Variants in ANKRD12 observed in about 807,000 individuals in gnomAD.
ANKRD12 encodes ankyrin repeat domain-containing protein 12.
Under a neutral mutation model 183.4 loss-of-function variants are expected in ANKRD12, and 85 were observed. That is an observed-to-expected ratio of 0.46 (90% confidence interval 0.39 to 0.56). The LOEUF is 0.56. ANKRD12 is among the 20% of genes least tolerant of loss of function. The pLI is 0.00. For missense variants in ANKRD12, 2,405 were observed against 2,357.1 expected (o/e 1.02, Z -0.42); for synonymous variants, 914 against 800.2 (o/e 1.14, Z -2.40).
chr18:9,157,441 T>C (rs1323968066), intron 1 of ANKRD12, among the ~76,000 whole-genome samples: 2 of 152,016 alleles, frequency 1.3e-5, no homozygotes, highest in Admixed American at 6.6e-5. Context: ...TGAGTACGTA[T>C]GACTTTTGCA....
chr18:9,154,815 A>C (rs901685420), intron 1 of ANKRD12, among the ~76,000 whole-genome samples: 1 of 152,222 alleles, frequency 6.6e-6, no homozygotes, highest in Non-Finnish European at 1.5e-5. Context: ...TGTTGGTGGC[A>C]TTTATTGGAA....
At chr18:9,262,566 C>T (rs2039032262) in intron 9 of ANKRD12, among the ~76,000 whole-genome samples, 2 of 151,898 alleles carry the variant, frequency 1.3e-5, no homozygotes, top group African/African-American at 4.8e-5. Flanking sequence ...CTCAAGCTAT[C>T]CTCCCATCTC....
rs1442255563 is a variant in ANKRD12 at position 9,283,829 on chromosome 18, G to C, written c.*2703G>C. 1.3e-5 allele frequency: 2 copies of C among 152,566 alleles called. No homozygotes were observed. The highest frequency in any genetic ancestry group is 1.3e-4 in the Admixed American group (2 of 15,280). 9.5% of individuals were successfully genotyped at this position (152,566 alleles called of 1,614,324 possible). On this transcript the variant is annotated 3_prime_UTR_variant, in exon 13 of 13. Coordinates refer to ENST00000262126, the MANE Select transcript of ANKRD12 (RefSeq NM_015208.5). ...TACTTGGGCAGCTAGCAAAATTGCA[G>C]AAATATGCATCCTGGGAAAAGAAAC...
chr18:9,197,945 C>T (rs150275564), intron 3 of ANKRD12, among the ~76,000 whole-genome samples: 63 of 152,290 alleles, frequency 4.1e-4, no homozygotes, highest in African/African-American at 1.5e-3. Flanking sequence ...TTTGGTTTAA[C>T]ATATCACAAC....
At chr18:9,268,319 A>C (rs1286087601) in intron 10 of ANKRD12, among the ~76,000 whole-genome samples, 1 of 152,188 alleles carries the variant, frequency 6.6e-6, no homozygotes, top group Non-Finnish European at 1.5e-5. Flanking sequence ...CAACAACAAA[A>C]AAAGAGAATT....
intron 2 of ANKRD12, among the ~76,000 whole-genome samples, chr18:9,190,093 A>G (rs2034358208): frequency 6.6e-6 from 1 of 152,246 alleles, no homozygotes; most frequent in Non-Finnish European, 1.5e-5. Context: ...CATGAGAGGA[A>G]GTCAAAATAC....
chr18:9,208,567 T>C, intron 4 of ANKRD12, 90 bp from the exon 5 acceptor site: 1 of 1,109,084 alleles, frequency 9.0e-7, no homozygotes, highest in Non-Finnish European at 1.3e-6. Flanking sequence ...CTCATATATA[T>C]GTACAGCATC....
intron 1 of ANKRD12, among the ~76,000 whole-genome samples, chr18:9,153,086 A>G (rs1442934868): frequency 6.6e-6 from 1 of 152,164 alleles, no homozygotes; most frequent in Non-Finnish European, 1.5e-5. Context: ...CTCCTACCTC[A>G]GCCTTCCAAA....
At chr18:9,168,626 C>T (rs181051733) in intron 1 of ANKRD12, among the ~76,000 whole-genome samples, 86 of 152,136 alleles carry the variant, frequency 5.7e-4, no homozygotes, top group African/African-American at 1.6e-3. Context: ...CTTTATTAGT[C>T]TTGCTAGTGG....
intron 8 of ANKRD12, chr18:9,250,005 T>C (rs2038194131): frequency 6.6e-6 from 1 of 152,208 alleles, no homozygotes; most frequent in Admixed American, 6.5e-5. Flanking sequence ...TTGGAAAAAC[T>C]GCTTAGTAGC....
At chr18:9,172,742 G>A (rs1231049677) in intron 1 of ANKRD12, among the ~76,000 whole-genome samples, 1 of 152,146 alleles carries the variant, frequency 6.6e-6, no homozygotes, top group Non-Finnish European at 1.5e-5. Flanking sequence ...CTCAGCCTCA[G>A]CCCAGTTCTG....
rs2038500190 is a variant in ANKRD12, at chr18:9,254,752, A to G, written c.1485A>G (p.Lys495=). The G allele has an allele frequency of 1.4e-6, 2 of 1,474,922 alleles. No homozygotes were observed. The highest frequency in any genetic ancestry group is 1.5e-5 in the South Asian group (1 of 65,240). 91.4% of individuals were successfully genotyped at this position (1,474,922 alleles called of 1,614,324 possible). A position where few individuals can be genotyped will look rare whatever the true frequency, so the allele number is the denominator to read the frequency against. ...NQELKQEKEG[K]ENTRITNLTV... ...AGCTAAAGCAAGAAAAGGAAGGAAAAGAAAATACAAGAATAACAAACTTGA... is the reference window on the plus strand; with the variant it reads ...AGCTAAAGCAAGAAAAGGAAGGAAAGGAAAATACAAGAATAACAAACTTGA... Residue 495 remains lysine (K), a synonymous_variant, in exon 9 of 13, where the codon AAA becomes AAG. Coordinates refer to ENST00000262126, the MANE Select transcript of ANKRD12 (RefSeq NM_015208.5).
In ANKRD12 at chr18:9,228,518, C is replaced by T. The variant is rs1372727799; in HGVS notation, c.943+6519C>T. On this transcript the variant is annotated intron_variant, in intron 8 of 12. Coordinates refer to ENST00000262126, the MANE Select transcript of ANKRD12 (RefSeq NM_015208.5). ...TCTTTGTGATAATAGCCATTCTAAC[C>T]GGGGTGAGATGCTATCTCATTGTGA... Among the ~76,000 whole-genome samples the T allele has an allele frequency of 2.6e-5, 4 of 152,198 alleles. No homozygotes were observed. In the East Asian group the frequency reaches 5.8e-4, roughly 22 times the overall value.
chr18:9,177,567 C>G (rs896514837), intron 1 of ANKRD12, among the ~76,000 whole-genome samples: 2 of 152,170 alleles, frequency 1.3e-5, no homozygotes, highest in Non-Finnish European at 2.9e-5. Flanking sequence ...GTCAATTCTG[C>G]TTTGGGAACA....
intron 1 of ANKRD12, among the ~76,000 whole-genome samples, chr18:9,149,971 A>G (rs2078630635): frequency 6.6e-6 from 1 of 151,438 alleles, no homozygotes; most frequent in Non-Finnish European, 1.5e-5. Flanking sequence ...TAATTTTTGT[A>G]TTTTTGGTAG....
chr18:9,174,681 C>CA (rs1365902692), intron 1 of ANKRD12, among the ~76,000 whole-genome samples: 1 of 152,172 alleles, frequency 6.6e-6, no homozygotes. Flanking sequence ...TGGGTCATGC[C>CA]ATCCTCCTAA....
chr18:9,157,579 G>GTATATATA (rs1337373504), intron 1 of ANKRD12, among the ~76,000 whole-genome samples: 3 of 114,206 alleles, frequency 2.6e-5, no homozygotes, highest in African/African-American at 1.3e-4. Flanking sequence ...GTGTGTGTGT[G>GTATATATA]TGTGTGTATA....
At chr18:9,235,891 A>G (rs1348626466) in intron 8 of ANKRD12, 6 of 273,810 alleles carry the variant, frequency 2.2e-5, no homozygotes. Context: ...TCTCTGGGAA[A>G]ATCTTATAGA....
At chr18:9,159,534 C>T (rs1012354755) in intron 1 of ANKRD12, among the ~76,000 whole-genome samples, 4 of 151,694 alleles carry the variant, frequency 2.6e-5, no homozygotes, top group South Asian at 4.2e-4. Flanking sequence ...CGGGTTCCTG[C>T]CATTCTCCTG....
Sources: gnomAD v4.1 joint callset for allele counts (sites outside exome capture counted in the v4.1 genomes callset) on GRCh38, gnomAD v4.1.1 for gene constraint, MANE v1.5 for transcripts, NCBI Gene and HGNC (gene_info 2026-07-23, HGNC 2026-07-21) for gene names.